FAM53A: variants seen among roughly 807,000 people sequenced by gnomAD.
The protein encoded by FAM53A is protein FAM53A.
In FAM53A, 28 loss-of-function variants were observed where a neutral mutation model predicts 26.6. The observed-to-expected ratio is 1.05, with a 90% CI of 0.78 to 1.45. The LOEUF (loss-of-function observed/expected upper bound fraction) is 1.45, where lower values mean the gene tolerates loss of function less well. Among genes scored for constraint, FAM53A ranks in the 40% most tolerant of loss-of-function variants. The probability of loss-of-function intolerance (pLI) is 0.00; values close to 1 mark genes in which losing one functional copy is unlikely to be tolerated. For synonymous variants in FAM53A, 290 were observed against 253.1 expected (o/e 1.15, Z -1.38); for missense variants, 650 against 575.8 (o/e 1.13, Z -1.32).
chr4:1,668,636 A>AC, intron 2 of FAM53A, 31 bp downstream of exon 2: 5 of 1,613,154 alleles, frequency 3.1e-6, no homozygotes, highest in Non-Finnish European at 4.2e-6. Flanking sequence ...GGGGAGGGGC[A>AC]CCCAGCCTGG....
At chr4:1,609,421 G>GT in the FAM53A span, among the ~76,000 whole-genome samples, 1 of 151,996 alleles carries the variant, frequency 6.6e-6, no homozygotes, top group Non-Finnish European at 1.5e-5. Context: ...ATCTTGAATT[G>GT]TAACTCCCAT....
chr4:1,601,224 G>T, the FAM53A span, among the ~76,000 whole-genome samples: 1 of 116,258 alleles, frequency 8.6e-6, no homozygotes, highest in Admixed American at 9.5e-5. Flanking sequence ...CCCTGGAGCC[G>T]CAACAGGTCG....
chr4:1,627,919 A>G (rs988546830), intron 1 of FAM53A, among the ~76,000 whole-genome samples: 5 of 151,486 alleles, frequency 3.3e-5, no homozygotes, highest in Non-Finnish European at 7.4e-5. Flanking sequence ...TGATGCCCGC[A>G]GGCAAGTCCC....
intron 2 of FAM53A, among the ~76,000 whole-genome samples, chr4:1,664,604 C>T (rs1714086731): frequency 6.6e-6 from 1 of 152,222 alleles, no homozygotes; most frequent in Admixed American, 6.5e-5. Context: ...CATGGGAGAG[C>T]TGGTCTCACG....
At chr4:1,652,042 ACC>A (rs1712849080) in intron 4 of FAM53A, among the ~76,000 whole-genome samples, 1 of 139,372 alleles carries the variant, frequency 7.2e-6, no homozygotes, top group African/African-American at 2.7e-5. Context: ...CCACACACAC[ACC>A]ACACACGCCA....
At chr4:1,590,955 C>CATATATATATATAT in the FAM53A span, among the ~76,000 whole-genome samples, 1 of 46,306 alleles carries the variant, frequency 2.2e-5, no homozygotes, top group Non-Finnish European at 4.7e-5. Context: ...TTATTTAATG[C>CATATATATATATAT]ATATATATAT....
chr4:1,678,897 G>A (rs1715217041), intron 1 of FAM53A, among the ~76,000 whole-genome samples: 1 of 151,682 alleles, frequency 6.6e-6, no homozygotes, highest in African/African-American at 2.4e-5. Flanking sequence ...AAAGTAAAAG[G>A]CAAAACTATA....
At chr4:1,602,079 G>A in the FAM53A span, among the ~76,000 whole-genome samples, 1 of 152,110 alleles carries the variant, frequency 6.6e-6, no homozygotes, top group East Asian at 1.9e-4. Flanking sequence ...TGGCGTGCCA[G>A]GGCACCAGGG....
At chr4:1,596,927 T>C in the FAM53A span, among the ~76,000 whole-genome samples, 1 of 152,024 alleles carries the variant, frequency 6.6e-6, no homozygotes, top group Admixed American at 6.6e-5. Context: ...AGACAGCCCC[T>C]GGCAGGTGGG....
exon 2 of FAM53A, chr4:1,618,086 C>T (rs1451063798): frequency 2.2e-6 from 1 of 456,382 alleles, no homozygotes; most frequent in Admixed American, 2.3e-5. Flanking sequence ...TGGCAACATA[C>T]TTGGTGAAAC....
At chr4:1,681,127 G>A (rs1483682719) in intron 1 of FAM53A, among the ~76,000 whole-genome samples, 2 of 152,058 alleles carry the variant, frequency 1.3e-5, no homozygotes, top group Admixed American at 6.5e-5. Context: ...ATGAAGTTTC[G>A]CTGTTGCTGC....
intron 1 of FAM53A, among the ~76,000 whole-genome samples, chr4:1,679,684 TA>T (rs35096985): frequency 0.3 from 33,286 of 112,432 alleles, 4,763 homozygotes; most frequent in Middle Eastern, 0.45. Flanking sequence ...GAAACTCCAT[TA>T]AAAAAAAAAA....
rs115379594 is a variant in FAM53A at position 1,662,788 on chromosome 4, C to T, written c.76-5320G>A. ...GCCAATGAGCACATGAAAATATGCT[C>T]AACATAGCTAACCATAGGGAAATGA... On this transcript the variant is annotated intron_variant, in intron 2 of 4. Coordinates refer to ENST00000308132, the MANE Select transcript of FAM53A (RefSeq NM_001174070.3). Among the ~76,000 whole-genome samples the T allele has an allele frequency of 6.3e-3, 959 of 152,098 alleles. 13 individuals are homozygous for T. The highest frequency in any genetic ancestry group is 0.022 in the African/African-American group (912 of 41,468).
chr4:1,658,532 A>T (rs903971247), intron 2 of FAM53A, among the ~76,000 whole-genome samples: 1 of 152,206 alleles, frequency 6.6e-6, no homozygotes, highest in Non-Finnish European at 1.5e-5. Flanking sequence ...CAGGCTCTGG[A>T]GTGTGGTGCT....
intron 1 of FAM53A, among the ~76,000 whole-genome samples, chr4:1,672,883 C>G (rs1035132765): frequency 6.0e-5 from 9 of 150,018 alleles, no homozygotes; most frequent in Non-Finnish European, 1.3e-4. Flanking sequence ...GATTCTCCTG[C>G]CTCAGACTGC....
Position 1,641,264 on chromosome 4 carries a change from G to C in FAM53A, c.*29C>G, listed in dbSNP as rs1577101358. ...TGCCCCAGGGCAGGTGCAGGCGGCA[G>C]CCATGGCCCCGACCAGCCCCCACCA... On this transcript the variant is annotated 3_prime_UTR_variant, in exon 5 of 5. Coordinates refer to ENST00000308132, the MANE Select transcript of FAM53A (RefSeq NM_001174070.3). 1 of 1,611,536 alleles carries C rather than the reference G, an allele frequency of 6.2e-7. No homozygotes were observed. Among genetic ancestry groups the C allele is most frequent in the East Asian group, 2.2e-5 (1 of 44,874 alleles).
At chr4:1,656,569 C>T (rs1037443294) in intron 3 of FAM53A, among the ~76,000 whole-genome samples, 5 of 151,674 alleles carry the variant, frequency 3.3e-5, no homozygotes, top group African/African-American at 7.3e-5. Flanking sequence ...GTGTAGGAAG[C>T]GCTGCGGGGC....
In FAM53A at chr4:1,640,532, A is replaced by G. The variant is rs1711583568; in HGVS notation, c.*761T>C. Reference sequence around the variant, plus strand: ...TCCAAAATAGAGAAGCTTTCTCCCGAACTGCAAAAGCCATAAAAATGCAAA... The same window carrying G: ...TCCAAAATAGAGAAGCTTTCTCCCGGACTGCAAAAGCCATAAAAATGCAAA... On this transcript the variant is annotated 3_prime_UTR_variant, in exon 5 of 5. Transcript: ENST00000308132. 3.2e-6 allele frequency: 1 copy of G among 316,370 alleles called. No individual in the cohort carries two copies. 19.6% of individuals were successfully genotyped at this position (316,370 alleles called of 1,614,324 possible). A position where few individuals can be genotyped will look rare whatever the true frequency, so the allele number is the denominator to read the frequency against.
upstream of FAM53A, among the ~76,000 whole-genome samples, chr4:1,685,085 G>A (rs1715730272): frequency 6.6e-6 from 1 of 152,132 alleles, no homozygotes; most frequent in African/African-American, 2.4e-5. Context: ...TGGGGCTCGG[G>A]TGTGTCCTGG....
Sources: allele counts gnomAD v4.1 joint callset (sites outside exome capture counted in the v4.1 genomes callset), GRCh38; gene constraint gnomAD v4.1.1; transcripts MANE v1.5; gene names NCBI Gene and HGNC (gene_info 2026-07-23, HGNC 2026-07-21).